Variants in WDFY3 observed in about 807,000 individuals in gnomAD.
The protein encoded by WDFY3 is WD repeat and FYVE domain-containing protein 3.
Under a neutral mutation model 409.6 loss-of-function variants are expected in WDFY3, and 66 were observed. The ratio of observed to expected loss-of-function variants is 0.16; its 90% CI spans 0.13 to 0.20. The LOEUF (loss-of-function observed/expected upper bound fraction) is 0.20. Ranked by LOEUF, WDFY3 falls within the 10% of genes least tolerant of loss-of-function variation. WDFY3 has a pLI of 1.00. For synonymous variants in WDFY3, 1,521 were observed against 1,537.1 expected, an observed-to-expected ratio of 0.99 and a Z score of 0.25; for missense variants, 3,031 against 4,298.1, an observed-to-expected ratio of 0.71 and a Z score of 8.24.
At chr4:84,941,362 A>G (rs1013982125) in intron 1 of WDFY3, among the ~76,000 whole-genome samples, 2 of 151,734 alleles carry the variant, frequency 1.3e-5, no homozygotes, top group African/African-American at 4.8e-5. Flanking sequence ...AGATAAAGAG[A>G]TAGATAGATA....
At chr4:84,815,818 T>G (rs375853726) in intron 13 of WDFY3, among the ~76,000 whole-genome samples, 2 of 152,102 alleles carry the variant, frequency 1.3e-5, no homozygotes, top group African/African-American at 4.8e-5. Context: ...AAAGCTAATA[T>G]TTTAGCACTC....
chr4:84,793,226 G>A lies in WDFY3; in HGVS notation c.3487+1293C>T, dbSNP rs1023714824. ...CTGGGTGTCTCTCCTAGGCTGGAGT[G>A]CCATGGCACCTTCACAGCTCACTGT... is the stretch of plus-strand genomic sequence containing the variant. On this transcript the variant is annotated intron_variant, in intron 21 of 67. Coordinates refer to ENST00000295888, the MANE Select transcript of WDFY3 (RefSeq NM_014991.6). Among the ~76,000 whole-genome samples, 74 of 152,178 alleles carry A rather than the reference G, an allele frequency of 4.9e-4. 1 individual carries two copies. Among genetic ancestry groups the A allele is most frequent in the Non-Finnish European group, 7.3e-5 (5 of 68,036 alleles).
chr4:84,744,132 T>C (rs1478718262), intron 36 of WDFY3, among the ~76,000 whole-genome samples: 1 of 148,180 alleles, frequency 6.7e-6, no homozygotes, highest in African/African-American at 2.4e-5. Flanking sequence ...CTATATATAA[T>C]ATTGTTATAT....
At chr4:84,714,732 C>A (rs1457564218) in intron 50 of WDFY3, among the ~76,000 whole-genome samples, 1 of 152,032 alleles carries the variant, frequency 6.6e-6, no homozygotes, top group Admixed American at 6.5e-5. Flanking sequence ...GGGCAGATCA[C>A]AAGGTCAAGA....
chr4:84,882,996 C>A (rs116336239), intron 3 of WDFY3, among the ~76,000 whole-genome samples: 2 of 152,078 alleles, frequency 1.3e-5, no homozygotes, highest in Non-Finnish European at 2.9e-5. Flanking sequence ...CATGAGCCAC[C>A]GTGCCTGGCC....
chr4:84,933,849 A>C (rs1771077539), intron 1 of WDFY3, among the ~76,000 whole-genome samples: 1 of 152,158 alleles, frequency 6.6e-6, no homozygotes, highest in Non-Finnish European at 1.5e-5. Flanking sequence ...GTTGCAAATG[A>C]CAGGATCTCA....
At chr4:84,824,617 G>GAACAAGGA (rs1754587445) in intron 10 of WDFY3, among the ~76,000 whole-genome samples, 2 of 152,180 alleles carry the variant, frequency 1.3e-5, no homozygotes. Context: ...ACTGCAAGGA[G>GAACAAGGA]AACAAGGAAA....
chr4:84,682,116 A>C (rs1348708030), intron 64 of WDFY3, among the ~76,000 whole-genome samples: 2 of 152,152 alleles, frequency 1.3e-5, no homozygotes, highest in Non-Finnish European at 2.9e-5. Context: ...AGCCTTTGGT[A>C]CTCTAGGAAG....
At chr4:84,688,909 G>A (rs1728784363) in intron 61 of WDFY3, among the ~76,000 whole-genome samples, 1 of 152,128 alleles carries the variant, frequency 6.6e-6, no homozygotes, top group South Asian at 2.1e-4. Flanking sequence ...GCTGGAATAT[G>A]AAGAGAAAAA....
At chr4:84,957,817 T>C (rs1056961748) in intron 1 of WDFY3, among the ~76,000 whole-genome samples, 3 of 152,224 alleles carry the variant, frequency 2.0e-5, no homozygotes, top group African/African-American at 7.2e-5. Context: ...GCAGGACTCA[T>C]GTTTCACAGT....
In WDFY3 at chr4:84,821,284, A is replaced by G. The variant is rs780972211; in HGVS notation, c.1391T>C (p.Ile464Thr). 2.5e-6 allele frequency: 4 copies of G among 1,613,776 alleles called. No individual in the cohort carries two copies. Among genetic ancestry groups the G allele is most frequent in the Non-Finnish European group, 3.4e-6 (4 of 1,179,826 alleles). The change falls in exon 11 of 68, where the codon ATT (isoleucine) becomes ACT (threonine). Residue 464 changes from isoleucine to threonine, a missense_variant. This residue lies in a region of WDFY3 where 1,322 missense variants were observed against 1,697.9 expected (regional missense o/e 0.78). Coordinates refer to ENST00000295888, the MANE Select transcript of WDFY3 (RefSeq NM_014991.6). ...SLNYIPCKEL[I>T]SVSILLKSSS... ...AGATTTTAAGAGGATACTGACACTAATAAGTTCTTTACAAGGTATATAATT... is the reference window on the plus strand; with the variant it reads ...AGATTTTAAGAGGATACTGACACTAGTAAGTTCTTTACAAGGTATATAATT...
chr4:84,797,958 T>A (rs1353352613), intron 18 of WDFY3, 38 bp downstream of exon 18: 17 of 1,513,894 alleles, frequency 1.1e-5, no homozygotes, highest in Non-Finnish European at 1.5e-5. Context: ...TGATTTTCAT[T>A]CATAAAATAA....
intron 3 of WDFY3, among the ~76,000 whole-genome samples, chr4:84,874,687 C>T (rs1251611415): frequency 1.3e-5 from 2 of 152,132 alleles, no homozygotes; most frequent in Non-Finnish European, 2.9e-5. Context: ...GCTCTAAGGT[C>T]ACCTTCTCAG....
chr4:84,689,927 A>G (rs965343082), intron 61 of WDFY3, among the ~76,000 whole-genome samples: 1 of 152,242 alleles, frequency 6.6e-6, no homozygotes, highest in Non-Finnish European at 1.5e-5. Context: ...CCTTATGGTA[A>G]GTTCTCTCAC....
rs766567564 is a variant in WDFY3 at position 84,737,363 on chromosome 4, C to T, written c.6578G>A (p.Arg2193His). The T allele has an allele frequency of 9.8e-5, 152 of 1,555,732 alleles. No homozygotes were observed. The highest frequency in any genetic ancestry group is 1.8e-4 in the Middle Eastern group (1 of 5,610). Residue 2193 changes from arginine (R) to histidine (H), a missense_variant, in exon 41 of 68, where the codon CGT (arginine) becomes CAT (histidine). By Grantham distance (29) the Arg-to-His change is conservative. This residue lies in a region of WDFY3 where 314 missense variants were observed against 397.4 expected (regional missense o/e 0.79). Coordinates refer to ENST00000295888, the MANE Select transcript of WDFY3 (RefSeq NM_014991.6). ...GTTGACAGCTTTTATGAGAAGCTGACGCCCTAGTAAACAAACAAACAAACA... is the reference window on the plus strand; with the variant it reads ...GTTGACAGCTTTTATGAGAAGCTGATGCCCTAGTAAACAAACAAACAAACA... ...GSYSQDISEG[R>H]QLLIKAVNRV...
intron 7 of WDFY3, among the ~76,000 whole-genome samples, chr4:84,834,938 C>G (rs996811735): frequency 6.6e-6 from 1 of 152,120 alleles, no homozygotes; most frequent in Admixed American, 6.5e-5. Context: ...GGAACTAAAA[C>G]AAAGAAAGTG....
chr4:84,752,874 TTTA>T (rs1740780204), intron 35 of WDFY3, among the ~76,000 whole-genome samples: 1 of 152,230 alleles, frequency 6.6e-6, no homozygotes, highest in African/African-American at 2.4e-5. Flanking sequence ...ATGTTTACAG[TTTA>T]TTAGCTAATC....
At chr4:84,751,345 T>C in intron 36 of WDFY3, 138 bp downstream of exon 36, 1 of 891,928 alleles carries the variant, frequency 1.1e-6, no homozygotes, top group South Asian at 1.7e-5. Context: ...ATTAAGAACT[T>C]TCCACAGCCT....
chr4:84,786,280 T>C (rs1747536697), intron 23 of WDFY3, 141 bp from the exon 24 acceptor site: 1 of 761,802 alleles, frequency 1.3e-6, no homozygotes, highest in Admixed American at 3.5e-5. Flanking sequence ...AAAACTATCT[T>C]CTCAGCTCTT....
Sources: allele counts gnomAD v4.1 joint callset (sites outside exome capture counted in the v4.1 genomes callset), GRCh38; gene constraint gnomAD v4.1.1; regional missense constraint gnomAD v4.1.1; transcripts MANE v1.5; gene names NCBI Gene and HGNC (gene_info 2026-07-23, HGNC 2026-07-21).